Variants in BPI observed in about 807,000 individuals in gnomAD.
The protein encoded by BPI is bactericidal permeability-increasing protein.
A neutral mutation model predicts 57.6 loss-of-function variants in BPI; 48 were observed. The observed-to-expected ratio is 0.83, with a 90% CI of 0.66 to 1.06. The LOEUF is 1.06. Among genes scored for constraint, BPI ranks in the 50% least tolerant of loss-of-function variants. The pLI, the probability that BPI is intolerant of heterozygous loss-of-function variation, is 0.00. For synonymous variants in BPI, 237 were observed against 238.2 expected (o/e 0.99, Z 0.05); for missense variants, 651 against 609.7 (o/e 1.07, Z -0.71).
chr20:38,332,282 C>T (rs2076746717), intron 12 of BPI, among the ~76,000 whole-genome samples: 1 of 152,084 alleles, frequency 6.6e-6, no homozygotes, highest in African/African-American at 2.4e-5. Context: ...GTAAAAGCTT[C>T]CCCTGGCTGG....
intron 11 of BPI, among the ~76,000 whole-genome samples, chr20:38,329,034 C>T (rs6099162): frequency 0.04 from 5,468 of 136,290 alleles, 320 homozygotes; most frequent in African/African-American, 0.15. Flanking sequence ...AATAAATAAA[C>T]AAATAGATTT....
In BPI at chr20:38,307,688, C is replaced by T; in HGVS notation, c.245+7C>T. ...GGCATTATAGCTTCTACAGGTGAGG[C>T]CTATCAGAGCTCAATCCTCGATTTG... On this transcript the variant is annotated splice_region_variant and intron_variant, in intron 2 of 14. Coordinates refer to ENST00000642449, the MANE Select transcript of BPI (RefSeq NM_001725.3). 2 of 1,595,762 alleles carry T rather than the reference C, an allele frequency of 1.3e-6. No individual in the cohort carries two copies. The highest frequency in any genetic ancestry group is 1.7e-6 in the Non-Finnish European group (2 of 1,165,584).
At chr20:38,317,615 G>T (rs749489674) in intron 5 of BPI, 1 of 718,552 alleles carries the variant, frequency 1.4e-6, no homozygotes, top group African/African-American at 1.7e-5. Context: ...CAGGTGTATT[G>T]TTGTGTTCTG....
intron 5 of BPI, among the ~76,000 whole-genome samples, chr20:38,317,006 A>C (rs1403125437): frequency 6.6e-6 from 1 of 152,200 alleles, no homozygotes; most frequent in Non-Finnish European, 1.5e-5. Context: ...GGGGATAGGA[A>C]GAAAGTGGAA....
chr20:38,337,371 T>A lies in BPI; in HGVS notation c.*187T>A. The A allele has an allele frequency of 2.0e-6, 1 of 505,290 alleles. No individual in the cohort carries two copies. 31.3% of individuals were successfully genotyped at this position (505,290 alleles called of 1,614,324 possible). A position where few individuals can be genotyped will look rare whatever the true frequency, so the allele number is the denominator to read the frequency against. On this transcript the variant is annotated 3_prime_UTR_variant, in exon 15 of 15. Transcript: ENST00000642449. ...ATTCATTGGAAAAGTGCATGGTGTG[T>A]ATTTTAGGGATTATGAGCTTCTTTC...
intron 1 of BPI, among the ~76,000 whole-genome samples, chr20:38,305,619 C>A (rs1002915164): frequency 2.0e-5 from 3 of 152,082 alleles, no homozygotes; most frequent in Non-Finnish European, 2.9e-5. Flanking sequence ...ACTTTTGAAC[C>A]CCCAGAAAGC....
intron 5 of BPI, chr20:38,317,551 T>C (rs897981967): frequency 1.5e-6 from 1 of 670,798 alleles, no homozygotes; most frequent in Non-Finnish European, 2.8e-6. Context: ...CTCGTAGCAT[T>C]GAGTGGGTTC....
intron 13 of BPI, 105 bp downstream of exon 13, chr20:38,334,598 A>G (rs888426727): frequency 8.8e-7 from 1 of 1,137,214 alleles, no homozygotes. Context: ...AGGGCTGGGC[A>G]GTGGTGATGT....
At chr20:38,314,237 G>A (rs2076638313) in intron 5 of BPI, among the ~76,000 whole-genome samples, 1 of 146,948 alleles carries the variant, frequency 6.8e-6, no homozygotes, top group Admixed American at 6.8e-5. Flanking sequence ...TAATGGTGGG[G>A]AAGATGATGA....
In BPI at chr20:38,310,735, C is replaced by A. The variant is rs1369070875; in HGVS notation, c.536+83C>A. The A allele has an allele frequency of 1.1e-5, 17 of 1,524,840 alleles. No individual in the cohort carries two copies. The East Asian group carries it at 3.9e-4, about 35-fold the overall frequency. 94.5% of individuals were successfully genotyped at this position (1,524,840 alleles called of 1,614,324 possible). ...CATCCCTGTATTCCGAAAACACATC[C>A]AGAGTGCCACCTGCATGCCAGGCCT... On this transcript the variant is annotated intron_variant, in intron 4 of 14. Transcript: ENST00000642449.
In BPI at chr20:38,334,412, C is replaced by G; in HGVS notation, c.1273-18C>G. On this transcript the variant is annotated intron_variant, in intron 12 of 14. Coordinates refer to ENST00000642449, the MANE Select transcript of BPI (RefSeq NM_001725.3). Reference sequence around the variant, plus strand: ...TGGCGATGCAGGGCCATCCTCCCATCCTCCCTCTGATTTCCAGGTTGAATT... The same window carrying G: ...TGGCGATGCAGGGCCATCCTCCCATGCTCCCTCTGATTTCCAGGTTGAATT... 1 of 1,611,650 alleles carries G rather than the reference C, an allele frequency of 6.2e-7. No individual in the cohort carries two copies. The highest frequency in any genetic ancestry group is 8.5e-7 in the Non-Finnish European group (1 of 1,177,696).
chr20:38,323,787 T>C (rs2076698126), intron 7 of BPI, 83 bp from the exon 8 acceptor site: 1 of 1,472,176 alleles, frequency 6.8e-7, no homozygotes, highest in African/African-American at 1.4e-5. Flanking sequence ...ATTGGTGTCT[T>C]CAGTCCATTT....
rs762336689 is a variant in BPI, at chr20:38,327,666, CTG to C, written c.1229+14_1229+15del. ...GCTCAAGCTGGATAGGTAAGTGGGC[CTG>C]TGAGAGGAGGAGGGGGCTGCCCCTC... On this transcript the variant is annotated intron_variant, in intron 11 of 14. Coordinates refer to ENST00000642449, the MANE Select transcript of BPI (RefSeq NM_001725.3). 1 of 1,613,280 alleles carries C rather than the reference CTG, an allele frequency of 6.2e-7. No individual in the cohort carries two copies. The highest frequency in any genetic ancestry group is 2.2e-5 in the East Asian group (1 of 44,852).
chr20:38,307,172 C>T (rs1057025948), intron 1 of BPI, among the ~76,000 whole-genome samples: 2 of 152,152 alleles, frequency 1.3e-5, no homozygotes, highest in African/African-American at 4.8e-5. Context: ...GCACTCCAGC[C>T]TGGGCGACAC....
rs548615732 is a variant in BPI, at chr20:38,337,255, C to T, written c.*71C>T. On this transcript the variant is annotated 3_prime_UTR_variant, in exon 15 of 15. Coordinates refer to ENST00000642449, the MANE Select transcript of BPI (RefSeq NM_001725.3). ...GGGCTGTGGGGCACCGGCTGCCTTT[C>T]CCCAGGGAATCCTCTCCAGATCTTA... 1.0e-3 allele frequency: 1,379 copies of T among 1,353,294 alleles called. 2 individuals carry two copies. The highest frequency in any genetic ancestry group is 8.1e-4 in the Non-Finnish European group (797 of 985,020). 83.8% of individuals were successfully genotyped at this position (1,353,294 alleles called of 1,614,324 possible).
chr20:38,314,896 GGT>G (rs2076645000), intron 5 of BPI, among the ~76,000 whole-genome samples: 6 of 151,366 alleles, frequency 4.0e-5, no homozygotes, highest in African/African-American at 1.5e-4. Context: ...GACTGATGAT[GGT>G]GATGGTGATG....
At chr20:38,316,684 A>C (rs1484518598) in intron 5 of BPI, among the ~76,000 whole-genome samples, 1 of 152,128 alleles carries the variant, frequency 6.6e-6, no homozygotes. Flanking sequence ...TTCTCAGAGG[A>C]ATGGTGGGGA....
intron 12 of BPI, among the ~76,000 whole-genome samples, chr20:38,332,800 A>G (rs1223142860): frequency 6.6e-6 from 1 of 152,078 alleles, no homozygotes; most frequent in Non-Finnish European, 1.5e-5. Context: ...TGCCCTCACG[A>G]GGGGCATTGA....
rs1177887818 is a variant in BPI at position 38,324,820 on chromosome 20, C to G, written c.980C>G (p.Thr327Ser). ...CGACTGACAACCAAGTTCTTTGGAA[C>G]CTTCCTACCTGAGGTATGGAAGACC... ...KFRLTTKFFGTFLPEVAKKFP... is the reference protein window; with the variant it reads ...KFRLTTKFFGSFLPEVAKKFP... Residue 327 changes from threonine to serine, a missense_variant, in exon 9 of 15, where the codon ACC (threonine) becomes AGC (serine). Transcript: ENST00000642449. 5 of 1,612,710 alleles carry G rather than the reference C, an allele frequency of 3.1e-6. No homozygotes were observed. Among genetic ancestry groups the G allele is most frequent in the South Asian group, 1.1e-5 (1 of 91,046 alleles).
Sources: gnomAD v4.1 joint callset for allele counts (sites outside exome capture counted in the v4.1 genomes callset) on GRCh38, gnomAD v4.1.1 for gene constraint, MANE v1.5 for transcripts, NCBI Gene and HGNC (gene_info 2026-07-23, HGNC 2026-07-21) for gene names.